Variants in SGCD observed in about 807,000 individuals in gnomAD.
SGCD encodes the protein sarcoglycan delta.
Under a neutral mutation model 36.6 loss-of-function variants are expected in SGCD, and 18 were observed. The observed-to-expected ratio is 0.49, with a 90% confidence interval of 0.34 to 0.73. The LOEUF is 0.73. SGCD is among the 30% of genes least tolerant of loss of function. SGCD has a pLI of 0.01. For missense variants in SGCD, 387 were observed against 346.7 expected (o/e 1.12, Z -0.92); for synonymous variants, 133 against 130.6 (o/e 1.02, Z -0.12).
At chr5:156,472,178 C>T (rs550462271) in intron 3 of SGCD, among the ~76,000 whole-genome samples, 66 of 152,220 alleles carry the variant, frequency 4.3e-4, no homozygotes, top group African/African-American at 1.5e-3. Context: ...AGCGTAACTA[C>T]GTTGGAGAAT....
At chr5:156,404,074 A>G (rs1772291565) in intron 3 of SGCD, among the ~76,000 whole-genome samples, 1 of 152,084 alleles carries the variant, frequency 6.6e-6, no homozygotes, top group Non-Finnish European at 1.5e-5. Context: ...ACCTCAAATG[A>G]TCACCTCACC....
At chr5:156,378,037 A>G (rs1279139815) in intron 3 of SGCD, among the ~76,000 whole-genome samples, 3 of 152,188 alleles carry the variant, frequency 2.0e-5, no homozygotes, top group African/African-American at 7.2e-5. Context: ...ATTGAGGCAG[A>G]TATTTGTTCA....
the SGCD span, among the ~76,000 whole-genome samples, chr5:155,789,618 A>C: frequency 1.3e-5 from 2 of 152,244 alleles, no homozygotes; most frequent in South Asian, 4.1e-4. Flanking sequence ...GCCTGAAGAT[A>C]GTTTGTTTTC....
chr5:156,072,129 C>T (rs1347366235), intron 1 of SGCD, among the ~76,000 whole-genome samples: 6 of 151,828 alleles, frequency 4.0e-5, no homozygotes, highest in South Asian at 2.1e-4. Flanking sequence ...AGTCCATTTA[C>T]ATTTAAAGTT....
At chr5:156,034,374 G>A (rs1474648117) in intron 1 of SGCD, among the ~76,000 whole-genome samples, 1 of 152,178 alleles carries the variant, frequency 6.6e-6, no homozygotes, top group Non-Finnish European at 1.5e-5. Flanking sequence ...AGTACCAGAA[G>A]ATATATTATC....
chr5:155,964,360 G>T (rs1487355382), intron 1 of SGCD, among the ~76,000 whole-genome samples: 1 of 151,274 alleles, frequency 6.6e-6, no homozygotes, highest in Non-Finnish European at 1.5e-5. Flanking sequence ...TTTTTTTTGA[G>T]TTGGAGTCTC....
chr5:156,543,456 A>C (rs253596), intron 4 of SGCD, among the ~76,000 whole-genome samples: 19,052 of 152,120 alleles, frequency 0.13, 1,356 homozygotes, highest in Admixed American at 0.17. Context: ...TAGTCTGGAG[A>C]CCTCAGGCAG....
chr5:156,247,230 C>T (rs1016641587), intron 3 of SGCD, among the ~76,000 whole-genome samples: 17 of 152,098 alleles, frequency 1.1e-4, no homozygotes, highest in South Asian at 6.2e-4. Flanking sequence ...AAGGATTCTG[C>T]GGGGGCTTAA....
At chr5:155,764,547 C>T in the SGCD span, among the ~76,000 whole-genome samples, 1 of 152,126 alleles carries the variant, frequency 6.6e-6, no homozygotes, top group Non-Finnish European at 1.5e-5. Context: ...CTTTTCATGG[C>T]AGATCAAAAG....
At position 156,410,343 on chromosome 5, in the gene SGCD, C is replaced by T. The variant is rs923891685; in HGVS notation, c.192+65666C>T. ...AAGTGAGAGCTAAGCATTGGGTACACGTAGACATAAAGATGAGAACAATAG... is the reference window on the plus strand; with the variant it reads ...AAGTGAGAGCTAAGCATTGGGTACATGTAGACATAAAGATGAGAACAATAG... On this transcript the variant is annotated intron_variant, in intron 3 of 8. Transcript: ENST00000337851. Among the ~76,000 whole-genome samples the T allele has an allele frequency of 9.3e-5, 14 of 151,032 alleles. 1 individual carries two copies. In the South Asian group the frequency reaches 1.0e-3, roughly 11 times the overall value.
chr5:156,000,148 C>T (rs1758634990), intron 1 of SGCD, among the ~76,000 whole-genome samples: 1 of 152,148 alleles, frequency 6.6e-6, no homozygotes, highest in Non-Finnish European at 1.5e-5. Context: ...TGTGAATAGC[C>T]CAGTCCATGT....
intron 3 of SGCD, among the ~76,000 whole-genome samples, chr5:156,167,964 G>A (rs1763252475): frequency 2.0e-5 from 3 of 152,188 alleles, no homozygotes; most frequent in South Asian, 2.1e-4. Flanking sequence ...TCATTAGTGC[G>A]TGACTTGCTT....
At chr5:155,770,450 G>C in the SGCD span, among the ~76,000 whole-genome samples, 1 of 152,126 alleles carries the variant, frequency 6.6e-6, no homozygotes, top group African/African-American at 2.4e-5. Flanking sequence ...GCAAGAAAAT[G>C]CTTAGCTGTA....
chr5:156,320,681 C>T (rs1488864794), intron 3 of SGCD, among the ~76,000 whole-genome samples: 4 of 152,144 alleles, frequency 2.6e-5, no homozygotes, highest in Non-Finnish European at 5.9e-5. Context: ...TTGAGAATCC[C>T]TCATTGTGTA....
chr5:156,531,716 G>T (rs1350619138), intron 4 of SGCD, among the ~76,000 whole-genome samples: 1 of 152,016 alleles, frequency 6.6e-6, no homozygotes, highest in African/African-American at 2.4e-5. Context: ...AAATATAGTA[G>T]CCATAGTCTT....
intron 1 of SGCD, among the ~76,000 whole-genome samples, chr5:156,008,001 G>A (rs1385318148): frequency 2.0e-5 from 3 of 152,258 alleles, no homozygotes; most frequent in East Asian, 1.9e-4. Context: ...TATCTCCAAC[G>A]ATGTTATTCC....
chr5:156,369,039 T>C (rs1036081254), intron 3 of SGCD, among the ~76,000 whole-genome samples: 1 of 152,204 alleles, frequency 6.6e-6, no homozygotes, highest in Non-Finnish European at 1.5e-5. Context: ...GTACACCAGA[T>C]GATTCCCTGT....
chr5:155,850,424 G>C, the SGCD span, among the ~76,000 whole-genome samples: 3 of 152,116 alleles, frequency 2.0e-5, no homozygotes, highest in East Asian at 1.9e-4. Flanking sequence ...GAGACAGAGA[G>C]AGAGAGAGAG....
chr5:156,501,073 G>A (rs1369716529), intron 3 of SGCD, among the ~76,000 whole-genome samples: 1 of 152,120 alleles, frequency 6.6e-6, no homozygotes, highest in Non-Finnish European at 1.5e-5. Context: ...TGGCGAGGCT[G>A]GAGTGCTACA....
Sources: allele counts gnomAD v4.1 joint callset (sites outside exome capture counted in the v4.1 genomes callset), GRCh38; gene constraint gnomAD v4.1.1; transcripts MANE v1.5; gene names NCBI Gene and HGNC (gene_info 2026-07-23, HGNC 2026-07-21).